Variants in DLL1 observed in about 807,000 individuals in gnomAD.
DLL1 encodes the protein delta-like protein 1.
In DLL1, 9 loss-of-function variants were observed where a neutral mutation model predicts 75.1. That is an observed-to-expected ratio of 0.12 (90% CI 0.07 to 0.21). DLL1 has a LOEUF of 0.21. Among genes scored for constraint, DLL1 ranks in the 10% least tolerant of loss-of-function variants. The pLI is 1.00. For synonymous variants in DLL1, 477 were observed against 418.3 expected, an observed-to-expected ratio of 1.14 and a Z score of -1.71; for missense variants, 837 against 1,007.6, an observed-to-expected ratio of 0.83 and a Z score of 2.29.
intron 8 of DLL1, 87 bp from the exon 9 acceptor site, chr6:170,284,116 T>C (rs1783642378): frequency 4.7e-6 from 7 of 1,500,522 alleles, no homozygotes; most frequent in Non-Finnish European, 6.3e-6. Context: ...TGTCTGACAC[T>C]GTAGAAACCA....
chr6:170,290,806 G>C lies in DLL1; in HGVS notation c.-667C>G. The C allele has an allele frequency of 1.7e-6, 1 of 599,896 alleles. No homozygotes were observed. 37.2% of individuals were successfully genotyped at this position (599,896 alleles called of 1,614,324 possible). A position where few individuals can be genotyped will look rare whatever the true frequency, so the allele number is the denominator to read the frequency against. ...CGATGAATCCAGCCAATGCCATCCA[G>C]TACACACGCGCAGGACCGGAGGGGC... On this transcript the variant is annotated 5_prime_UTR_variant, in exon 1 of 11. Transcript: ENST00000366756. The surrounding 1 kb of genome is among the most constrained non-coding windows in gnomAD (Gnocchi z 4.7).
At chr6:170,288,619 TG>T (rs1346986541) in intron 3 of DLL1, 109 bp downstream of exon 3, 1 of 1,608,510 alleles carries the variant, frequency 6.2e-7, no homozygotes, top group East Asian at 2.2e-5. Context: ...CTGAACTTTC[TG>T]GGGCACGTGC....
Position 170,290,609 on chromosome 6 carries a change from G to C in DLL1, c.-470C>G, listed in dbSNP as rs562652166. On this transcript the variant is annotated 5_prime_UTR_variant, in exon 1 of 11. Transcript: ENST00000366756. This position sits in a 1 kb window ranked among gnomAD's most constrained non-coding sequence, Gnocchi z 4.7. Reference sequence around the variant, plus strand: ...GAAAGCCGCGGTCTGGAAATCCCACGGGCAAGGCGATAATCCGGGGCCAGC... The same window carrying C: ...GAAAGCCGCGGTCTGGAAATCCCACCGGCAAGGCGATAATCCGGGGCCAGC... 5.9e-4 allele frequency: 144 copies of C among 244,230 alleles called. 4 individuals carry two copies. The East Asian group carries it at 0.016, about 27-fold the overall frequency. The allele number at this position is 244,230 out of a possible 1,614,324, so 15.1% of individuals were successfully genotyped here. A position where few individuals can be genotyped will look rare whatever the true frequency, so the allele number is the denominator to read the frequency against.
chr6:170,287,328 T>C (rs1783725904), intron 4 of DLL1, among the ~76,000 whole-genome samples: 1 of 152,138 alleles, frequency 6.6e-6, no homozygotes, highest in Non-Finnish European at 1.5e-5. Flanking sequence ...GGTTGTCCAG[T>C]TCCAAGGAAG....
chr6:170,290,205 G>A lies in DLL1; in HGVS notation c.-66C>T. 6.4e-7 allele frequency: 1 copy of A among 1,560,830 alleles called. No individual in the cohort carries two copies. Among genetic ancestry groups the A allele is most frequent in the Admixed American group, 1.7e-5 (1 of 57,194 alleles). ...CTCTCCTTAGAACAGCGGCGGACGC[G>A]CGGGGGATCGATGGGCCACGGGGAG... On this transcript the variant is annotated 5_prime_UTR_variant, in exon 1 of 11. Coordinates refer to ENST00000366756, the MANE Select transcript of DLL1 (RefSeq NM_005618.4). The surrounding 1 kb of genome is among the most constrained non-coding windows in gnomAD (Gnocchi z 4.7).
chr6:170,288,217 C>G lies in DLL1; in HGVS notation c.670+22G>C, dbSNP rs3818115. On this transcript the variant is annotated intron_variant, in intron 4 of 10. Transcript: ENST00000366756. The stretch of plus-strand genomic sequence containing the variant: ...CCGTGTTCGTGGACGAGTGAGCCAG[C>G]GGTGCCTTCCCAGAGACTCACGCTC... 7 of 1,613,510 alleles carry G rather than the reference C, an allele frequency of 4.3e-6. No individual in the cohort carries two copies. In the South Asian group the frequency reaches 6.6e-5, roughly 15 times the overall value.
intron 5 of DLL1, 57 bp from the exon 6 acceptor site, chr6:170,285,756 A>G: frequency 6.2e-7 from 1 of 1,610,014 alleles, no homozygotes; most frequent in Non-Finnish European, 8.5e-7. Context: ...TTTGCAGTGG[A>G]CATTCTCACC....
chr6:170,289,202 T>C (rs1783784893), intron 2 of DLL1: 1 of 644,738 alleles, frequency 1.6e-6, no homozygotes. Flanking sequence ...AACCAGAACC[T>C]TCCCACGTGA....
intron 5 of DLL1, among the ~76,000 whole-genome samples, 159 bp downstream of exon 5, chr6:170,286,079 A>G (rs1325742330): frequency 6.6e-6 from 1 of 152,240 alleles, no homozygotes; most frequent in Non-Finnish European, 1.5e-5. Context: ...ATGCTGCCAA[A>G]CATTGATTAA....
intron 2 of DLL1, 56 bp from the exon 3 acceptor site, chr6:170,288,845 G>A (rs1182472328): frequency 1.9e-6 from 3 of 1,599,598 alleles, no homozygotes; most frequent in African/African-American, 1.3e-5. Context: ...AAAAGAAAAC[G>A]GCAAAAAGCA....
At position 170,290,998 on chromosome 6, in the gene DLL1, C is replaced by T. The variant is rs1783853550; in HGVS notation, c.-859G>A. 2 of 701,770 alleles carry T rather than the reference C, an allele frequency of 2.8e-6. No individual in the cohort carries two copies. The highest frequency in any genetic ancestry group is 3.0e-5 in the South Asian group (2 of 67,596). The allele number at this position is 701,770 out of a possible 1,614,324, so 43.5% of individuals were successfully genotyped here. A position where few individuals can be genotyped will look rare whatever the true frequency, so the allele number is the denominator to read the frequency against. On this transcript the variant is annotated 5_prime_UTR_variant, in exon 1 of 11. Transcript: ENST00000366756. This position sits in a 1 kb window ranked among gnomAD's most constrained non-coding sequence, Gnocchi z 4.7. ...GCATGGCTAATGAGATGCAAATCAG[C>T]AGCCCCCCAATCTGGCGAGAGCTGT...
At chr6:170,285,197 A>G (rs1000206263) in intron 7 of DLL1, 57 bp downstream of exon 7, 5 of 1,613,812 alleles carry the variant, frequency 3.1e-6, no homozygotes, top group African/African-American at 1.3e-5. Context: ...CACACACTCC[A>G]TTCAACACCA....
chr6:170,290,611 G>A lies in DLL1; in HGVS notation c.-472C>T. The A allele has an allele frequency of 4.0e-6, 1 of 252,056 alleles. No individual in the cohort carries two copies. Among genetic ancestry groups the A allele is most frequent in the South Asian group, 6.4e-5 (1 of 15,564 alleles). 15.6% of individuals were successfully genotyped at this position (252,056 alleles called of 1,614,324 possible). A position where few individuals can be genotyped will look rare whatever the true frequency, so the allele number is the denominator to read the frequency against. On this transcript the variant is annotated 5_prime_UTR_variant, in exon 1 of 11. Transcript: ENST00000366756. The surrounding 1 kb of genome is among the most constrained non-coding windows in gnomAD (Gnocchi z 4.7). The stretch of plus-strand genomic sequence containing the variant: ...AAGCCGCGGTCTGGAAATCCCACGG[G>A]CAAGGCGATAATCCGGGGCCAGCGG...
chr6:170,289,466 C>T lies in DLL1; in HGVS notation c.351+46G>A, dbSNP rs749121826. 311 of 1,524,430 alleles carry T rather than the reference C, an allele frequency of 2.0e-4. 1 individual carries two copies. Among genetic ancestry groups the T allele is most frequent in the Non-Finnish European group, 2.2e-4 (253 of 1,142,060 alleles). The allele number at this position is 1,524,430 out of a possible 1,614,324, so 94.4% of individuals were successfully genotyped here. A position where few individuals can be genotyped will look rare whatever the true frequency, so the allele number is the denominator to read the frequency against. On this transcript the variant is annotated intron_variant, in intron 2 of 10. Transcript: ENST00000366756. ...CGGGATCCCAGCGCGTCCTGCAGCC[C>T]GCCCAGCTTCAGGGCCGGCCCGGCG...
rs2114968802 is a variant in DLL1 at position 170,290,873 on chromosome 6, C to T, written c.-734G>A. ...GCTCTGCGCCGCGGCTGCCCGGGTT[C>T]CCCTGCGCTCTGCCCTCGGCCGGGT... On this transcript the variant is annotated 5_prime_UTR_variant, in exon 1 of 11. Coordinates refer to ENST00000366756, the MANE Select transcript of DLL1 (RefSeq NM_005618.4). This position sits in a 1 kb window ranked among gnomAD's most constrained non-coding sequence, Gnocchi z 4.7. 4.4e-6 allele frequency: 3 copies of T among 675,762 alleles called. No individual in the cohort carries two copies. The African/African-American group carries it at 5.3e-5, about 12-fold the overall frequency. 41.9% of individuals were successfully genotyped at this position (675,762 alleles called of 1,614,324 possible).
chr6:170,285,654 G>A lies in DLL1; in HGVS notation c.777C>T (p.Arg259=). The A allele has an allele frequency of 1.2e-6, 2 of 1,614,076 alleles. No individual in the cohort carries two copies. The highest frequency in any genetic ancestry group is 1.7e-6 in the Non-Finnish European group (2 of 1,180,044). ...WQGRYCDECI[R]YPGCLHGTCQ... is the part of the protein sequence containing the mutation. ...AGGTGCCATGGAGACAGCCTGGATAGCGGATACACTCGTCACAGTACCGGC... is the reference window on the plus strand; with the variant it reads ...AGGTGCCATGGAGACAGCCTGGATAACGGATACACTCGTCACAGTACCGGC... The change falls in exon 6 of 11, where the codon CGC becomes CGT. Residue 259 remains arginine (R), a synonymous_variant. Coordinates refer to ENST00000366756, the MANE Select transcript of DLL1 (RefSeq NM_005618.4).
At chr6:170,289,829 G>A (rs1364940675) in intron 1 of DLL1, 21 bp from the exon 2 acceptor site, 6 of 1,549,446 alleles carry the variant, frequency 3.9e-6, no homozygotes, top group Non-Finnish European at 5.2e-6. Flanking sequence ...GAGGGCGGGG[G>A]CGTGAGGACG....
intron 2 of DLL1, 80 bp downstream of exon 2, chr6:170,289,432 C>A (rs943989402): frequency 1.6e-4 from 249 of 1,510,262 alleles, no homozygotes; most frequent in Non-Finnish European, 2.0e-4. Context: ...CGCCACCGAG[C>A]GCCCAAGGCG....
rs1783678324 is a variant in DLL1 at position 170,285,486 on chromosome 6, T to G, written c.863-63A>C. On this transcript the variant is annotated intron_variant, in intron 6 of 10. Coordinates refer to ENST00000366756, the MANE Select transcript of DLL1 (RefSeq NM_005618.4). ...AGCTCGACATCAAATGCAGGAAGAC[T>G]TTATTTTTCCAGTGATCAAACAGCC... is the stretch of plus-strand genomic sequence containing the variant. 3 of 1,613,852 alleles carry G rather than the reference T, an allele frequency of 1.9e-6. No individual in the cohort carries two copies. The East Asian group carries it at 6.7e-5, about 36-fold the overall frequency.
Sources: gnomAD v4.1 joint callset for allele counts (sites outside exome capture counted in the v4.1 genomes callset) on GRCh38, gnomAD v4.1.1 for gene constraint, Gnocchi (gnomAD v3.1) non-coding constraint, MANE v1.5 for transcripts, NCBI Gene and HGNC (gene_info 2026-07-23, HGNC 2026-07-21) for gene names.